Variants in ATRNL1 observed in about 807,000 individuals in gnomAD.
ATRNL1 encodes the protein attractin like 1.
A neutral mutation model predicts 182.7 loss-of-function variants in ATRNL1; 95 were observed. The ratio of observed to expected loss-of-function variants is 0.52; its 90% CI spans 0.44 to 0.62. The LOEUF is 0.62. Among genes scored for constraint, ATRNL1 ranks in the 20% least tolerant of loss-of-function variants. The pLI is 0.00. For missense variants in ATRNL1, 1,471 were observed against 1,679.5 expected, an observed-to-expected ratio of 0.88 and a Z score of 2.17; for synonymous variants, 576 against 568.3, an observed-to-expected ratio of 1.01 and a Z score of -0.19.
chr10:115,338,383 A>T (rs1275465196), intron 19 of ATRNL1, among the ~76,000 whole-genome samples: 1 of 152,130 alleles, frequency 6.6e-6, no homozygotes, highest in African/African-American at 2.4e-5. Flanking sequence ...TTTTCTCCAC[A>T]TCCTCACAAA....
chr10:115,722,454 C>T (rs782769320), intron 26 of ATRNL1, among the ~76,000 whole-genome samples: 1 of 152,134 alleles, frequency 6.6e-6, no homozygotes, highest in Non-Finnish European at 1.5e-5. Context: ...GAAAACCATG[C>T]TTTCCTAATT....
At chr10:115,637,461 ATAGAG>A (rs1246419979) in intron 26 of ATRNL1, among the ~76,000 whole-genome samples, 5 of 152,114 alleles carry the variant, frequency 3.3e-5, no homozygotes, top group African/African-American at 7.2e-5. Flanking sequence ...ATCAAAGCTT[ATAGAG>A]TAAAGACCTA....
At chr10:115,101,218 T>C (rs548073842) in intron 1 of ATRNL1, among the ~76,000 whole-genome samples, 48 of 152,216 alleles carry the variant, frequency 3.2e-4, no homozygotes, top group African/African-American at 1.1e-3. Flanking sequence ...TTTCTTGCCT[T>C]ATTTCACTGG....
chr10:115,618,838 C>T (rs540474262), intron 26 of ATRNL1, among the ~76,000 whole-genome samples: 1 of 152,198 alleles, frequency 6.6e-6, no homozygotes, highest in South Asian at 2.1e-4. Context: ...TCTGTGGTCT[C>T]CTCCTGGAGT....
intron 28 of ATRNL1, among the ~76,000 whole-genome samples, chr10:115,863,970 A>G (rs1349290336): frequency 1.3e-5 from 2 of 152,232 alleles, no homozygotes; most frequent in East Asian, 1.9e-4. Flanking sequence ...AACAAAGTAA[A>G]TAAGTATAGT....
chr10:115,238,942 G>A (rs782138384), intron 9 of ATRNL1, among the ~76,000 whole-genome samples: 12 of 152,072 alleles, frequency 7.9e-5, no homozygotes, highest in Non-Finnish European at 1.5e-4. Flanking sequence ...ATGACTGAAT[G>A]TTGGATTTTG....
chr10:115,623,455 AC>A (rs1487674627), intron 26 of ATRNL1, among the ~76,000 whole-genome samples: 1 of 152,196 alleles, frequency 6.6e-6, no homozygotes, highest in East Asian at 1.9e-4. Context: ...TGGAAATGTT[AC>A]TTACCAAAAC....
chr10:115,224,528 A>G (rs1849617348), intron 9 of ATRNL1, among the ~76,000 whole-genome samples: 1 of 152,148 alleles, frequency 6.6e-6, no homozygotes, highest in African/African-American at 2.4e-5. Context: ...TGTGATAGAA[A>G]TGATCCATAA....
At position 115,242,877 on chromosome 10, in the gene ATRNL1, G is replaced by A. The variant is rs193156108; in HGVS notation, c.1687+1152G>A. On this transcript the variant is annotated intron_variant, in intron 10 of 28. Transcript: ENST00000355044. ...TGAAGTGGTAACTCCTGACGAACAT[G>A]GGATTGTCTCAGCTTTTAGGAGGCT... 2.7e-3 allele frequency among the ~76,000 whole-genome samples: 406 copies of A among 152,102 alleles called. 3 individuals carry two copies. Among genetic ancestry groups the A allele is most frequent in the African/African-American group, 9.3e-3 (387 of 41,522 alleles).
chr10:115,174,557 T>C (rs1253162410), intron 8 of ATRNL1, among the ~76,000 whole-genome samples: 3 of 151,884 alleles, frequency 2.0e-5, no homozygotes, highest in Non-Finnish European at 2.9e-5. Flanking sequence ...AGTATATCAT[T>C]TATTTACAGG....
intron 24 of ATRNL1, among the ~76,000 whole-genome samples, chr10:115,508,028 A>T (rs1177792839): frequency 1.3e-5 from 2 of 152,018 alleles, no homozygotes; most frequent in Non-Finnish European, 2.9e-5. Context: ...TGTGGTAACC[A>T]TAGGTTAAGC....
At chr10:115,543,934 T>C (rs11197286) in intron 25 of ATRNL1, among the ~76,000 whole-genome samples, 51,249 of 151,886 alleles carry the variant, frequency 0.34, 10,169 homozygotes, top group Middle Eastern at 0.45. Flanking sequence ...CCTATTTCCT[T>C]TGGGTGGATT....
chr10:115,582,501 G>A, intron 26 of ATRNL1, among the ~76,000 whole-genome samples: 2 of 127,344 alleles, frequency 1.6e-5, no homozygotes, highest in Non-Finnish European at 3.4e-5. Flanking sequence ...GCCAGTGATG[G>A]TGAGCATTTT....
intron 28 of ATRNL1, among the ~76,000 whole-genome samples, chr10:115,937,798 A>G (rs1251868826): frequency 1.3e-5 from 2 of 152,236 alleles, no homozygotes; most frequent in Non-Finnish European, 2.9e-5. Context: ...GGTTTAAAAG[A>G]ACTACAAATA....
At chr10:115,717,030 T>C (rs1947272367) in intron 26 of ATRNL1, among the ~76,000 whole-genome samples, 1 of 152,196 alleles carries the variant, frequency 6.6e-6, no homozygotes, top group South Asian at 2.1e-4. Context: ...ATCTAGCTTT[T>C]AAATGACCTT....
intron 6 of ATRNL1, among the ~76,000 whole-genome samples, chr10:115,160,753 T>C (rs1846746285): frequency 6.6e-6 from 1 of 151,950 alleles, no homozygotes; most frequent in African/African-American, 2.4e-5. Context: ...TTATCTGATT[T>C]CTTTTTCAGC....
At chr10:115,824,049 A>G (rs1459779642) in intron 27 of ATRNL1, among the ~76,000 whole-genome samples, 1 of 152,212 alleles carries the variant, frequency 6.6e-6, no homozygotes, top group Non-Finnish European at 1.5e-5. Context: ...TACAGTAACC[A>G]AAACAGCATG....
In ATRNL1 at chr10:115,500,167, A is replaced by G. The variant is rs949331748; in HGVS notation, c.3655-19096A>G. On this transcript the variant is annotated intron_variant, in intron 24 of 28. Coordinates refer to ENST00000355044, the MANE Select transcript of ATRNL1 (RefSeq NM_207303.4). The stretch of plus-strand genomic sequence containing the variant: ...GTCCATCCATCAGTAGGCATGTATG[A>G]ATGTGGCTTATGTATGTAAATAGAT... 1.9e-4 allele frequency among the ~76,000 whole-genome samples: 29 copies of G among 152,188 alleles called. 1 individual carries two copies. The highest frequency in any genetic ancestry group is 6.8e-4 in the African/African-American group (28 of 41,460).
At chr10:115,669,653 T>C (rs1555040784) in intron 26 of ATRNL1, among the ~76,000 whole-genome samples, 1 of 152,124 alleles carries the variant, frequency 6.6e-6, no homozygotes, top group Non-Finnish European at 1.5e-5. Context: ...GTAGACCAGG[T>C]ACATTCTGCT....
Sources: gnomAD v4.1 joint callset for allele counts (sites outside exome capture counted in the v4.1 genomes callset) on GRCh38, gnomAD v4.1.1 for gene constraint, MANE v1.5 for transcripts, NCBI Gene and HGNC (gene_info 2026-07-23, HGNC 2026-07-21) for gene names.